Variants in ESRRB observed in about 807,000 individuals in gnomAD.
The protein encoded by ESRRB is steroid hormone receptor ERR2.
ESRRB carries 16 observed loss-of-function variants against 46.0 expected under a neutral mutation model. That is an observed-to-expected ratio of 0.35 (90% CI 0.24 to 0.53). The LOEUF (loss-of-function observed/expected upper bound fraction) is 0.53. ESRRB is among the 20% of genes least tolerant of loss of function. The probability of loss-of-function intolerance (pLI) is 0.93; values close to 1 mark genes in which losing one functional copy is unlikely to be tolerated. For synonymous variants in ESRRB, 246 were observed against 259.6 expected, an observed-to-expected ratio of 0.95 and a Z score of 0.50; for missense variants, 488 against 607.4, an observed-to-expected ratio of 0.80 and a Z score of 2.07.
intron 1 of ESRRB, among the ~76,000 whole-genome samples, chr14:76,378,287 T>C (rs148347446): frequency 1.3e-5 from 2 of 151,292 alleles, no homozygotes; most frequent in African/African-American, 2.4e-5. Context: ...AAGCAAGGAG[T>C]GAGATGGAGG....
At chr14:76,381,482 C>G (rs928538684) in intron 1 of ESRRB, among the ~76,000 whole-genome samples, 2 of 152,158 alleles carry the variant, frequency 1.3e-5, no homozygotes, top group Non-Finnish European at 2.9e-5. Flanking sequence ...CCCCAGGGCA[C>G]TGGGCTAGTG....
intron 1 of ESRRB, among the ~76,000 whole-genome samples, chr14:76,393,797 A>G (rs1885559908): frequency 1.3e-5 from 2 of 152,000 alleles, no homozygotes; most frequent in Admixed American, 1.3e-4. Context: ...TCTCAGTAAG[A>G]ACACCTTGGA....
chr14:76,443,921 CTCTTTCCACAAGGAGAGTT>C (rs1888023411), intron 2 of ESRRB, among the ~76,000 whole-genome samples: 2 of 152,234 alleles, frequency 1.3e-5, no homozygotes, highest in Non-Finnish European at 2.9e-5. Flanking sequence ...GCAGCCTCTT[CTCTTTCCACAAGGAGAGTT>C]TCAAGTTCGT....
At chr14:76,495,081 TAC>T (rs34145394) in intron 6 of ESRRB, among the ~76,000 whole-genome samples, 31,509 of 151,868 alleles carry the variant, frequency 0.21, 3,303 homozygotes, top group South Asian at 0.39. Context: ...CACCCACACA[TAC>T]ACACACATGT....
In ESRRB at chr14:76,332,577, ATTATATAT is replaced by A. The variant is rs1566853056; in HGVS notation, c.2+21671_2+21678del. On this transcript the variant is annotated intron_variant, in intron 1 of 6. Transcript: ENST00000512784. ...ATAATATATATTTATATATTTATAT[ATTATATAT>A]TTATATATTATATATTATATATTTA... 2.0e-4 allele frequency among the ~76,000 whole-genome samples: 6 copies of A among 29,610 alleles called. 1 individual carries two copies. In the Admixed American group the frequency reaches 3.9e-3, roughly 19 times the overall value. 19.4% of individuals were successfully genotyped at this position (29,610 alleles called of 152,430 possible). A position where few individuals can be genotyped will look rare whatever the true frequency, so the allele number is the denominator to read the frequency against.
chr14:76,357,859 G>C (rs1019910771), intron 1 of ESRRB, among the ~76,000 whole-genome samples: 1 of 152,168 alleles, frequency 6.6e-6, no homozygotes, highest in African/African-American at 2.4e-5. Context: ...TAACAACATG[G>C]AACAGGGACA....
At position 76,501,778 on chromosome 14, in the gene ESRRB, G is replaced by A. The variant is rs1890667349; in HGVS notation, c.*3320G>A. 3 of 152,202 alleles carry A rather than the reference G, an allele frequency of 2.0e-5. No individual in the cohort carries two copies. In the South Asian group the frequency reaches 6.2e-4, roughly 32 times the overall value. 9.4% of individuals were successfully genotyped at this position (152,202 alleles called of 1,614,324 possible). ...CCAGAAACCCCCATGTAAATCAAATGCCCTAGGATGCTTCCATCCTGGTCC... is the reference window on the plus strand; with the variant it reads ...CCAGAAACCCCCATGTAAATCAAATACCCTAGGATGCTTCCATCCTGGTCC... On this transcript the variant is annotated 3_prime_UTR_variant, in exon 7 of 7. Transcript: ENST00000644823.
chr14:76,480,193 G>T (rs560358425), intron 3 of ESRRB, among the ~76,000 whole-genome samples: 1 of 152,268 alleles, frequency 6.6e-6, no homozygotes, highest in East Asian at 1.9e-4. Context: ...GCCTGGGTGG[G>T]CTGCTGAGTA....
At chr14:76,496,695 G>GC (rs891783063) in intron 6 of ESRRB, among the ~76,000 whole-genome samples, 1 of 152,196 alleles carries the variant, frequency 6.6e-6, no homozygotes, top group Non-Finnish European at 1.5e-5. Context: ...CCTAGCAGCA[G>GC]CCCTCAGGGC....
chr14:76,330,460 G>A (rs528472743), intron 1 of ESRRB, among the ~76,000 whole-genome samples: 1 of 152,338 alleles, frequency 6.6e-6, no homozygotes, highest in East Asian at 1.9e-4. Flanking sequence ...TAACCACGAA[G>A]GTGGCTATGA....
At chr14:76,420,621 CAGAG>C (rs1269567390) in intron 1 of ESRRB, among the ~76,000 whole-genome samples, 8 of 135,106 alleles carry the variant, frequency 5.9e-5, no homozygotes, top group South Asian at 4.9e-4. Flanking sequence ...GAGAGAGAGA[CAGAG>C]AGCAACACAT....
intron 2 of ESRRB, among the ~76,000 whole-genome samples, chr14:76,454,542 G>A (rs1036803793): frequency 1.3e-5 from 2 of 152,170 alleles, no homozygotes; most frequent in African/African-American, 4.8e-5. Flanking sequence ...TGGAGGAGCT[G>A]GCCAGGAGGA....
rs28591561 is a variant in ESRRB at position 76,386,424 on chromosome 14, C to A, written c.50+9973C>A. ...TTTTTTTTCTGCTTTTGACCAAGCC[C>A]GAAAGATTAATTCTAGGTTCGGTTT... On this transcript the variant is annotated intron_variant, in intron 1 of 6. Coordinates refer to ENST00000644823, the MANE Select transcript of ESRRB (RefSeq NM_001379180.1). 6.3e-3 allele frequency among the ~76,000 whole-genome samples: 948 copies of A among 151,036 alleles called. 11 individuals carry two copies. Among genetic ancestry groups the A allele is most frequent in the African/African-American group, 0.022 (914 of 41,082 alleles).
intron 1 of ESRRB, among the ~76,000 whole-genome samples, chr14:76,380,625 A>G (rs1289709624): frequency 1.3e-5 from 2 of 152,056 alleles, no homozygotes; most frequent in African/African-American, 4.8e-5. Flanking sequence ...CTGAAGTGAG[A>G]CCCTCGTAAT....
chr14:76,414,924 G>A (rs936188399), intron 1 of ESRRB, among the ~76,000 whole-genome samples: 2 of 152,150 alleles, frequency 1.3e-5, no homozygotes, highest in African/African-American at 4.8e-5. Context: ...CTGTAAGAAG[G>A]GGATTGAAGT....
Position 76,354,225 on chromosome 14 carries a change from C to CA in ESRRB, c.2+43309_2+43310insA, listed in dbSNP as rs1491160838. Among the ~76,000 whole-genome samples, 175 of 47,384 alleles carry CA rather than the reference C, an allele frequency of 3.7e-3. 2 individuals carry two copies. Among genetic ancestry groups the CA allele is most frequent in the Admixed American group, 5.9e-3 (25 of 4,258 alleles). The allele number at this position is 47,384 out of a possible 152,430, so 31.1% of individuals were successfully genotyped here. A position where few individuals can be genotyped will look rare whatever the true frequency, so the allele number is the denominator to read the frequency against. ...CTTGGCCCCCAGGGTCCTCTACCCG[C>CA]CCCCCCCCCCACCCACACTTCCACC... On this transcript the variant is annotated intron_variant, in intron 1 of 6. Transcript: ENST00000512784.
chr14:76,464,023 C>A (rs895826666), intron 3 of ESRRB, among the ~76,000 whole-genome samples: 3 of 152,148 alleles, frequency 2.0e-5, no homozygotes, highest in African/African-American at 4.8e-5. Flanking sequence ...GTTTGAGGAA[C>A]CTTGTTCAGT....
intron 3 of ESRRB, 120 bp downstream of exon 3, chr14:76,462,781 G>A (rs894375332): frequency 6.2e-5 from 50 of 808,872 alleles, no homozygotes; most frequent in Admixed American, 4.3e-4. Context: ...CAGTCTGAGC[G>A]CCCATCTCCT....
rs940535821 is a variant in ESRRB at position 76,445,684 on chromosome 14, C to CTT, written c.460+5951_460+5952dup. Among the ~76,000 whole-genome samples, 412 of 130,624 alleles carry CTT rather than the reference C, an allele frequency of 3.2e-3. 6 individuals carry two copies. Among genetic ancestry groups the CTT allele is most frequent in the East Asian group, 9.3e-3 (42 of 4,524 alleles). The allele number at this position is 130,624 out of a possible 152,430, so 85.7% of individuals were successfully genotyped here. A position where few individuals can be genotyped will look rare whatever the true frequency, so the allele number is the denominator to read the frequency against. On this transcript the variant is annotated intron_variant, in intron 2 of 6. Coordinates refer to ENST00000644823, the MANE Select transcript of ESRRB (RefSeq NM_001379180.1). ...ACCGAGTCATTCCTTCTCCACCAAT[C>CTT]TTTTTTTTTTTTTTTTTTGAGACAG...
Sources: allele counts gnomAD v4.1 joint callset (sites outside exome capture counted in the v4.1 genomes callset), GRCh38; gene constraint gnomAD v4.1.1; transcripts MANE v1.5; gene names NCBI Gene and HGNC (gene_info 2026-07-23, HGNC 2026-07-21).